The following KANK1 variants were observed in gnomAD, a reference collection of about 807,000 sequenced individuals.
KANK1 encodes the protein KN motif and ankyrin repeat domain-containing protein 1.
A neutral mutation model predicts 106.2 loss-of-function variants in KANK1; 109 were observed. The observed-to-expected ratio is 1.03, with a 90% CI of 0.88 to 1.20. KANK1 has a LOEUF of 1.20. KANK1 is among the 50% of genes most tolerant of loss of function. The probability of loss-of-function intolerance (pLI) is 0.00; values close to 1 mark genes in which losing one functional copy is unlikely to be tolerated. For missense variants in KANK1, 2,399 were observed against 1,710.7 expected, an observed-to-expected ratio of 1.40 and a Z score of -7.10; for synonymous variants, 873 against 652.2, an observed-to-expected ratio of 1.34 and a Z score of -5.16.
upstream of KANK1, among the ~76,000 whole-genome samples, chr9:500,099 ATCT>A (rs2058524972): frequency 6.6e-6 from 1 of 152,182 alleles, no homozygotes; most frequent in Non-Finnish European, 1.5e-5. Flanking sequence ...GGGTAGAGTG[ATCT>A]TCTTGCACCT....
intron 3 of KANK1, among the ~76,000 whole-genome samples, chr9:480,825 G>C (rs1249269505): frequency 6.6e-6 from 1 of 152,136 alleles, no homozygotes; most frequent in Non-Finnish European, 1.5e-5. Flanking sequence ...TAAGGGGTTG[G>C]GCAGATAAAT....
chr9:492,705 C>T (rs1202020030), intron 3 of KANK1, among the ~76,000 whole-genome samples: 2 of 151,986 alleles, frequency 1.3e-5, no homozygotes, highest in Non-Finnish European at 2.9e-5. Flanking sequence ...CCAAAACATG[C>T]TTTTGAGAAA....
At chr9:715,505 A>G (rs1482904817) in intron 3 of KANK1, among the ~76,000 whole-genome samples, 3 of 152,176 alleles carry the variant, frequency 2.0e-5, no homozygotes, top group Admixed American at 2.0e-4. Flanking sequence ...TGACCCTCTG[A>G]GCACGGAGAC....
rs7044607 is a variant in KANK1, at chr9:687,333, T to A, written c.37+10324T>A. Among the ~76,000 whole-genome samples, 3 of 152,074 alleles carry A rather than the reference T, an allele frequency of 2.0e-5. 1 individual carries two copies. Among genetic ancestry groups the A allele is most frequent in the Admixed American group, 2.0e-4 (3 of 15,292 alleles). On this transcript the variant is annotated intron_variant, in intron 2 of 11. Coordinates refer to ENST00000382297, the MANE Select transcript of KANK1 (RefSeq NM_015158.5). ...TTAAGGATCATTGAGCTTTGTATTT[T>A]CTGTTATTTTTCTGTCTCCCCAAAC...
At position 738,527 on chromosome 9, in the gene KANK1, C is replaced by G. The variant is rs754488199; in HGVS notation, c.3553+23C>G. 16 of 1,574,222 alleles carry G rather than the reference C, an allele frequency of 1.0e-5. 1 individual carries two copies. The highest frequency in any genetic ancestry group is 1.7e-4 in the Middle Eastern group (1 of 5,996). ...CCGGTATGTTGGCTGCCCTTCCACC[C>G]TCTCTTCTCTAACAGTACTTGGGTT... On this transcript the variant is annotated intron_variant, in intron 8 of 11. Transcript: ENST00000382297.
chr9:471,504 CTG>C (rs2058020291), intron 2 of KANK1: 1 of 152,244 alleles, frequency 6.6e-6, no homozygotes, highest in Admixed American at 6.5e-5. Flanking sequence ...GGGCCTCAGT[CTG>C]TCATCTTCCT....
chr9:541,348 T>A (rs1489146178), intron 1 of KANK1, among the ~76,000 whole-genome samples: 1 of 152,140 alleles, frequency 6.6e-6, no homozygotes, highest in Non-Finnish European at 1.5e-5. Context: ...TTTCAATAAA[T>A]GGTGTTGGAA....
intron 2 of KANK1, among the ~76,000 whole-genome samples, chr9:704,287 G>T (rs1471360116): frequency 2.0e-5 from 3 of 152,132 alleles, no homozygotes; most frequent in Non-Finnish European, 2.9e-5. Flanking sequence ...TGTTATAGTA[G>T]CTCTGATCCA....
intron 1 of KANK1, among the ~76,000 whole-genome samples, chr9:553,016 C>A (rs1434336863): frequency 6.6e-6 from 1 of 152,128 alleles, no homozygotes; most frequent in Non-Finnish European, 1.5e-5. Context: ...CCTGGTGGCA[C>A]ACACCTGTAA....
intron 1 of KANK1, among the ~76,000 whole-genome samples, chr9:580,109 T>G (rs950735926): frequency 6.6e-6 from 1 of 152,138 alleles, no homozygotes; most frequent in African/African-American, 2.4e-5. Flanking sequence ...GTTTCTTCAT[T>G]CTGGTAGGTT....
At position 745,390 on chromosome 9, in the gene KANK1, A is replaced by AGAG; in HGVS notation, c.*156_*158dup. On this transcript the variant is annotated 3_prime_UTR_variant, in exon 12 of 12. Coordinates refer to ENST00000382297, the MANE Select transcript of KANK1 (RefSeq NM_015158.5). Reference sequence around the variant, plus strand: ...GTAAAGGCTGAAGCTTTCACAGTGCAGAGACTGCTAGCCTGGGCACACACA... The same window carrying AGAG: ...GTAAAGGCTGAAGCTTTCACAGTGCAGAGGAGACTGCTAGCCTGGGCACACACA... The AGAG allele has an allele frequency of 2.3e-6, 2 of 867,332 alleles. No individual in the cohort carries two copies. Among genetic ancestry groups the AGAG allele is most frequent in the South Asian group, 3.2e-5 (2 of 63,328 alleles). The allele number at this position is 867,332 out of a possible 1,614,324, so 53.7% of individuals were successfully genotyped here.
intron 3 of KANK1, among the ~76,000 whole-genome samples, chr9:475,883 C>T (rs577112990): frequency 1.1e-4 from 16 of 152,050 alleles, no homozygotes; most frequent in Admixed American, 4.6e-4. Flanking sequence ...AACAGAGTCT[C>T]ACTCTGTTGC....
At chr9:629,187 T>C (rs966448529) in intron 1 of KANK1, among the ~76,000 whole-genome samples, 1 of 152,138 alleles carries the variant, frequency 6.6e-6, no homozygotes, top group African/African-American at 2.4e-5. Flanking sequence ...ATGCAGTGTT[T>C]TGTCATGAGA....
At chr9:681,589 G>C (rs956524142) in intron 2 of KANK1, among the ~76,000 whole-genome samples, 3 of 152,082 alleles carry the variant, frequency 2.0e-5, no homozygotes, top group Non-Finnish European at 2.9e-5. Flanking sequence ...TGGTTGTGCA[G>C]GGAAAAAAAG....
At chr9:579,083 G>C (rs113737305) in intron 1 of KANK1, among the ~76,000 whole-genome samples, 1 of 152,250 alleles carries the variant, frequency 6.6e-6, no homozygotes, top group African/African-American at 2.4e-5. Flanking sequence ...AAGAAAAATC[G>C]GGTTCAGTGA....
intron 1 of KANK1, among the ~76,000 whole-genome samples, chr9:635,022 T>C (rs1448693105): frequency 6.6e-6 from 1 of 152,118 alleles, no homozygotes; most frequent in Non-Finnish European, 1.5e-5. Context: ...CTAGAGAACA[T>C]CTTACATTTC....
At chr9:682,229 G>A (rs970683441) in intron 2 of KANK1, among the ~76,000 whole-genome samples, 50 of 150,502 alleles carry the variant, frequency 3.3e-4, no homozygotes, top group Admixed American at 2.7e-3. Flanking sequence ...GCAGTGTCCC[G>A]ACACAGTGCT....
Position 713,344 on chromosome 9 carries a change from G to C in KANK1, c.2578G>C (p.Gly860Arg). Residue 860 changes from glycine to arginine, a missense_variant, in exon 3 of 12, where the codon GGC becomes CGC. Coordinates refer to ENST00000382297, the MANE Select transcript of KANK1 (RefSeq NM_015158.5). Reference protein sequence around the residue: ...EAFGEPHSQMGSLNSQLISTL... With the variant: ...EAFGEPHSQMRSLNSQLISTL... ...TTTCGGGGAACCTCACTCACAGATGGGCTCCCTCAACTCTCAGCTCATCAG... is the reference window on the plus strand; with the variant it reads ...TTTCGGGGAACCTCACTCACAGATGCGCTCCCTCAACTCTCAGCTCATCAG... The C allele has an allele frequency of 6.2e-7, 1 of 1,614,152 alleles. No individual in the cohort carries two copies. Among genetic ancestry groups the C allele is most frequent in the Non-Finnish European group, 8.5e-7 (1 of 1,180,020 alleles).
chr9:475,180 C>T (rs779552555), intron 3 of KANK1, among the ~76,000 whole-genome samples: 3 of 152,148 alleles, frequency 2.0e-5, no homozygotes, highest in Admixed American at 1.3e-4. Flanking sequence ...GGCAAAGTGG[C>T]GGAGTTTAAT....
Sources: gnomAD v4.1 joint callset for allele counts (sites outside exome capture counted in the v4.1 genomes callset) on GRCh38, gnomAD v4.1.1 for gene constraint, MANE v1.5 for transcripts, NCBI Gene and HGNC (gene_info 2026-07-23, HGNC 2026-07-21) for gene names.